UBAC2: variants seen among roughly 807,000 people sequenced by gnomAD.
The protein encoded by UBAC2 is UBA domain containing 2.
Under a neutral mutation model 44.0 loss-of-function variants are expected in UBAC2, and 26 were observed. The observed-to-expected ratio is 0.59, with a 90% CI of 0.43 to 0.82. The LOEUF is 0.82. UBAC2 is among the 40% of genes least tolerant of loss of function. UBAC2 has a pLI of 0.00. For synonymous variants in UBAC2, 155 were observed against 154.3 expected, an observed-to-expected ratio of 1.00 and a Z score of -0.04; for missense variants, 329 against 419.4, an observed-to-expected ratio of 0.78 and a Z score of 1.88.
At position 99,268,754 on chromosome 13, in the gene UBAC2, A is replaced by G. The variant is rs140940961; in HGVS notation, c.389+24130A>G. Among the ~76,000 whole-genome samples the G allele has an allele frequency of 1.1e-4, 16 of 152,144 alleles. No individual in the cohort carries two copies. In the East Asian group the frequency reaches 3.1e-3, roughly 29 times the overall value. Reference sequence around the variant, plus strand: ...TTTGGCTTGTGAAATGGCATCATGGAGTGACTGCCAGTTGACACTAATATG... The same window carrying G: ...TTTGGCTTGTGAAATGGCATCATGGGGTGACTGCCAGTTGACACTAATATG... On this transcript the variant is annotated intron_variant, in intron 4 of 8. Transcript: ENST00000403766.
intron 1 of UBAC2, among the ~76,000 whole-genome samples, chr13:99,237,246 T>A (rs1188864696): frequency 7.7e-6 from 1 of 130,524 alleles, no homozygotes; most frequent in Non-Finnish European, 1.6e-5. Context: ...ATAAAGAAAA[T>A]TTTATGCGTA....
intron 4 of UBAC2, among the ~76,000 whole-genome samples, chr13:99,261,988 C>G (rs2043669495): frequency 1.3e-5 from 2 of 152,186 alleles, no homozygotes; most frequent in Admixed American, 1.3e-4. Context: ...ATAAACAATT[C>G]ATAAGTTTTC....
chr13:99,307,538 T>G (rs2044354165), intron 4 of UBAC2: 1 of 151,876 alleles, frequency 6.6e-6, no homozygotes, highest in Non-Finnish European at 1.5e-5. Context: ...CACTTTGTGT[T>G]TTTTTTTGTT....
intron 4 of UBAC2, among the ~76,000 whole-genome samples, chr13:99,261,004 G>A (rs1221196027): frequency 6.6e-6 from 1 of 152,202 alleles, no homozygotes; most frequent in African/African-American, 2.4e-5. Flanking sequence ...TAATGAGAAA[G>A]AATGTAGTTA....
intron 1 of UBAC2, among the ~76,000 whole-genome samples, chr13:99,208,121 C>A (rs564001025): frequency 2.0e-5 from 3 of 152,074 alleles, no homozygotes; most frequent in South Asian, 4.2e-4. Flanking sequence ...CCTCAGCCCC[C>A]CAAGTAGCTG....
At chr13:99,330,428 C>T (rs960641249) in intron 6 of UBAC2, among the ~76,000 whole-genome samples, 2 of 99,204 alleles carry the variant, frequency 2.0e-5, no homozygotes, top group African/African-American at 7.3e-5. Flanking sequence ...CACTGCACTC[C>T]AGCCTGGGTG....
At chr13:99,357,145 C>G (rs1309222185) in intron 7 of UBAC2, among the ~76,000 whole-genome samples, 1 of 152,206 alleles carries the variant, frequency 6.6e-6, no homozygotes, top group African/African-American at 2.4e-5. Context: ...TACACAACTA[C>G]CATTGTGTTA....
chr13:99,213,222 AT>A (rs36042800), intron 1 of UBAC2, among the ~76,000 whole-genome samples: 58 of 149,196 alleles, frequency 3.9e-4, no homozygotes, highest in African/African-American at 2.2e-4. Context: ...TTTTTTTTCA[AT>A]TTTTTTTTTT....
chr13:99,346,008 T>C (rs1234628983), intron 7 of UBAC2, among the ~76,000 whole-genome samples: 1 of 152,200 alleles, frequency 6.6e-6, no homozygotes, highest in East Asian at 1.9e-4. Context: ...CCCAAAGTGC[T>C]GGGATTACAG....
chr13:99,325,893 A>G (rs1316220381), intron 6 of UBAC2, among the ~76,000 whole-genome samples: 1 of 152,166 alleles, frequency 6.6e-6, no homozygotes, highest in African/African-American at 2.4e-5. Flanking sequence ...AGGGCTGAAT[A>G]GTATTGCATT....
At chr13:99,353,598 C>G (rs1339837741) in intron 7 of UBAC2, among the ~76,000 whole-genome samples, 1 of 152,046 alleles carries the variant, frequency 6.6e-6, no homozygotes, top group East Asian at 1.9e-4. Flanking sequence ...CCTGGGTTTT[C>G]CTTTTGTCAC....
At chr13:99,253,032 A>G (rs2043478480) in intron 4 of UBAC2, among the ~76,000 whole-genome samples, 1 of 151,376 alleles carries the variant, frequency 6.6e-6, no homozygotes, top group Non-Finnish European at 1.5e-5. Context: ...CCAATACAAG[A>G]GTTGTTTTTC....
chr13:99,254,785 G>T (rs1322687930), intron 4 of UBAC2: 18 of 878,410 alleles, frequency 2.0e-5, no homozygotes, highest in Non-Finnish European at 2.9e-5. Flanking sequence ...CAAGAGAAAA[G>T]GGACTTGATA....
intron 1 of UBAC2, among the ~76,000 whole-genome samples, chr13:99,231,806 C>T (rs941814671): frequency 6.6e-5 from 10 of 152,160 alleles, no homozygotes; most frequent in African/African-American, 2.4e-4. Flanking sequence ...GAAGATGAGG[C>T]AACACAACTA....
chr13:99,355,632 G>A (rs2045167989), intron 7 of UBAC2, among the ~76,000 whole-genome samples: 1 of 152,242 alleles, frequency 6.6e-6, no homozygotes. Context: ...ACAGGAAAAG[G>A]TTGGGACACC....
At chr13:99,332,517 G>A (rs1260026543) in intron 6 of UBAC2, among the ~76,000 whole-genome samples, 1 of 152,048 alleles carries the variant, frequency 6.6e-6, no homozygotes, top group Admixed American at 6.6e-5. Context: ...GCATATGGGG[G>A]GCTGCTCCCT....
chr13:99,201,018 G>A, intron 1 of UBAC2, 79 bp downstream of exon 1: 2 of 1,293,946 alleles, frequency 1.5e-6, no homozygotes, highest in Non-Finnish European at 2.0e-6. Context: ...GGGGCAGCGG[G>A]GACCCTCGGG....
chr13:99,223,117 T>C (rs2043069228), intron 1 of UBAC2, among the ~76,000 whole-genome samples: 1 of 152,202 alleles, frequency 6.6e-6, no homozygotes. Flanking sequence ...TTATCAAATT[T>C]ATGGGCGTAA....
intron 6 of UBAC2, among the ~76,000 whole-genome samples, chr13:99,332,304 AGT>A (rs1469688303): frequency 6.6e-6 from 1 of 152,038 alleles, no homozygotes; most frequent in East Asian, 1.9e-4. Flanking sequence ...TATAATCAAG[AGT>A]GTTTTGCATG....
Sources: gnomAD v4.1 joint callset for allele counts (sites outside exome capture counted in the v4.1 genomes callset) on GRCh38, gnomAD v4.1.1 for gene constraint, MANE v1.5 for transcripts, NCBI Gene and HGNC (gene_info 2026-07-23, HGNC 2026-07-21) for gene names.